GCNT2: variants seen among roughly 807,000 people sequenced by gnomAD.
GCNT2 encodes the protein glucosaminyl (N-acetyl) transferase 2 (I blood group), also known as N-acetyllactosaminide beta-1,6-N-acetylglucosaminyl-transferase.
GCNT2 carries 34 observed loss-of-function variants against 34.2 expected under a neutral mutation model. The ratio of observed to expected loss-of-function variants is 1.00; its 90% CI spans 0.76 to 1.32. The LOEUF is 1.32. Among genes scored for constraint, GCNT2 ranks in the 40% most tolerant of loss-of-function variants. The pLI is 0.00. For missense variants in GCNT2, 584 were observed against 489.4 expected, an observed-to-expected ratio of 1.19 and a Z score of -1.82; for synonymous variants, 212 against 188.0, an observed-to-expected ratio of 1.13 and a Z score of -1.04.
At chr6:10,540,341 G>A (rs1761982901) in intron 3 of GCNT2, among the ~76,000 whole-genome samples, 1 of 151,880 alleles carries the variant, frequency 6.6e-6, no homozygotes, top group African/African-American at 2.4e-5. Flanking sequence ...TGTTCATGCT[G>A]TCTTTTTGTT....
At position 10,621,334 on chromosome 6, in the gene GCNT2, C is replaced by T. The variant is rs1434426216; in HGVS notation, c.926-17C>T. 6.5e-7 allele frequency: 1 copy of T among 1,543,552 alleles called. No individual in the cohort carries two copies. Among genetic ancestry groups the T allele is most frequent in the Non-Finnish European group, 9.0e-7 (1 of 1,117,116 alleles). The stretch of plus-strand genomic sequence containing the variant: ...CATGACTCTCATCTCTACGCTTCTT[C>T]TTTATCAACATTGCAGGTGTTCCTG... On this transcript the variant is annotated splice_polypyrimidine_tract_variant and intron_variant, in intron 3 of 4. Coordinates refer to ENST00000495262, the MANE Select transcript of GCNT2 (RefSeq NM_145649.5).
In GCNT2 at chr6:10,534,139, C is replaced by CTTTTTTTTTTTTTTTTTT. The variant is rs1491129469; in HGVS notation, c.925+4304_925+4305insTTTTTTTTTTTTTTTTTT. Among the ~76,000 whole-genome samples, 1,149 of 123,098 alleles carry CTTTTTTTTTTTTTTTTTT rather than the reference C, an allele frequency of 9.3e-3. 220 individuals are homozygous for CTTTTTTTTTTTTTTTTTT. Among genetic ancestry groups the CTTTTTTTTTTTTTTTTTT allele is most frequent in the East Asian group, 0.025 (94 of 3,820 alleles). 80.8% of individuals were successfully genotyped at this position (123,098 alleles called of 152,430 possible). A position where few individuals can be genotyped will look rare whatever the true frequency, so the allele number is the denominator to read the frequency against. On this transcript the variant is annotated intron_variant, in intron 3 of 4. Coordinates refer to ENST00000495262, the MANE Select transcript of GCNT2 (RefSeq NM_145649.5). The stretch of plus-strand genomic sequence containing the variant: ...CTGGTATCTGCCAGATTCCATGCTG[C>CTTTTTTTTTTTTTTTTTT]TCTTTTTTTTTTTTTTTTTTAAGAT...
At chr6:10,623,361 G>C (rs531529730) in intron 4 of GCNT2, among the ~76,000 whole-genome samples, 1 of 150,204 alleles carries the variant, frequency 6.7e-6, no homozygotes, top group South Asian at 2.1e-4. Context: ...GCACAATCTC[G>C]GCTCACTGGA....
intron 1 of GCNT2, among the ~76,000 whole-genome samples, chr6:10,522,313 A>G (rs1415275474): frequency 2.0e-5 from 3 of 152,214 alleles, no homozygotes; most frequent in African/African-American, 7.2e-5. Flanking sequence ...GTAGATCCAT[A>G]TTGCCATTCT....
At chr6:10,569,932 T>TCTTC (rs1225019760) in intron 3 of GCNT2, among the ~76,000 whole-genome samples, 1 of 113,306 alleles carries the variant, frequency 8.8e-6, no homozygotes, top group South Asian at 3.3e-4. Flanking sequence ...TTTCTCTCTC[T>TCTTC]CTTCCTTCCT....
intron 2 of GCNT2, 54 bp downstream of exon 2, chr6:10,527,714 T>C (rs1316559780): frequency 1.3e-5 from 2 of 151,204 alleles, no homozygotes; most frequent in Non-Finnish European, 3.0e-5. Flanking sequence ...TACGTGTGTA[T>C]GCATGCGTGT....
At chr6:10,533,833 A>ACACTCTTTTTTTTTTTTTTTTTTT (rs1761626319) in intron 3 of GCNT2, among the ~76,000 whole-genome samples, 1 of 117,414 alleles carries the variant, frequency 8.5e-6, no homozygotes, top group Admixed American at 8.7e-5. Flanking sequence ...AAAAGAATGT[A>ACACTCTTTTTTTTTTTTTTTTTTT]TTTTATTTAA....
chr6:10,620,635 C>A (rs1241387514), intron 3 of GCNT2, among the ~76,000 whole-genome samples: 1 of 152,024 alleles, frequency 6.6e-6, no homozygotes, highest in Non-Finnish European at 1.5e-5. Context: ...CTTACCTCGG[C>A]CTCCTAAAGT....
chr6:10,556,357 C>G, intron 3 of GCNT2: 1 of 1,607,206 alleles, frequency 6.2e-7, no homozygotes, highest in Non-Finnish European at 8.5e-7. Context: ...CTCAGAGAAA[C>G]GAGTGAGTTT....
At chr6:10,581,947 C>T (rs1764084631) in intron 3 of GCNT2, 9 of 742,842 alleles carry the variant, frequency 1.2e-5, no homozygotes, top group Non-Finnish European at 6.5e-6. Context: ...TGTGAATATA[C>T]ATAATAAAAT....
chr6:10,550,390 C>G (rs934622980), intron 3 of GCNT2, among the ~76,000 whole-genome samples: 1 of 151,326 alleles, frequency 6.6e-6, no homozygotes, highest in East Asian at 1.9e-4. Context: ...GAGATAGGGT[C>G]ATTGAGAAAA....
chr6:10,560,292 G>A (rs959919298), intron 3 of GCNT2, among the ~76,000 whole-genome samples: 14 of 140,432 alleles, frequency 1.0e-4, no homozygotes, highest in Non-Finnish European at 2.2e-4. Context: ...GTTTCACCAT[G>A]TTGCCCAGGG....
At position 10,529,906 on chromosome 6, in the gene GCNT2, GA is replaced by G. The variant is rs1334592631; in HGVS notation, c.925+74del. 9.9e-6 allele frequency: 12 copies of G among 1,206,846 alleles called. No homozygotes were observed. In the Admixed American group the frequency reaches 1.5e-4, roughly 15 times the overall value. The allele number at this position is 1,206,846 out of a possible 1,614,324, so 74.8% of individuals were successfully genotyped here. A position where few individuals can be genotyped will look rare whatever the true frequency, so the allele number is the denominator to read the frequency against. ...TGGTCAATACTAAATAAGTTGCTTT[GA>G]AAAGAGTGGAAAAAATGGGACAAAC... On this transcript the variant is annotated intron_variant, in intron 3 of 4. Transcript: ENST00000495262.
intron 3 of GCNT2, chr6:10,557,008 G>A: frequency 6.2e-7 from 1 of 1,613,602 alleles, no homozygotes; most frequent in Non-Finnish European, 8.5e-7. Flanking sequence ...ACTTCCCCCT[G>A]AAAACCAACA....
At chr6:10,621,305 C>G (rs1011087241) in intron 3 of GCNT2, 46 bp from the exon 4 acceptor site, 2 of 1,211,470 alleles carry the variant, frequency 1.7e-6, no homozygotes, top group Non-Finnish European at 2.4e-6. Flanking sequence ...TGATGCCCTT[C>G]TCTCATGACT....
chr6:10,537,075 C>T (rs1344022439), intron 3 of GCNT2, among the ~76,000 whole-genome samples: 2 of 152,102 alleles, frequency 1.3e-5, no homozygotes, highest in Non-Finnish European at 2.9e-5. Flanking sequence ...CCTGTGAGTT[C>T]TTCTCAGGGA....
chr6:10,569,867 T>TTC (rs1561807404), intron 3 of GCNT2, among the ~76,000 whole-genome samples: 42 of 151,040 alleles, frequency 2.8e-4, no homozygotes, highest in Middle Eastern at 3.4e-3. Flanking sequence ...TTCTCTTTCT[T>TTC]TCTTTCTTTC....
intron 3 of GCNT2, among the ~76,000 whole-genome samples, chr6:10,618,815 A>C (rs566376970): frequency 6.6e-6 from 1 of 151,890 alleles, no homozygotes; most frequent in East Asian, 1.9e-4. Flanking sequence ...AGAAATAGAA[A>C]TATTGCTTAA....
intron 3 of GCNT2, among the ~76,000 whole-genome samples, chr6:10,572,719 G>C (rs1763607734): frequency 6.6e-6 from 1 of 152,074 alleles, no homozygotes; most frequent in African/African-American, 2.4e-5. Context: ...GGATGACAGA[G>C]CGAGACTCCG....
Sources: gnomAD v4.1 joint callset for allele counts (sites outside exome capture counted in the v4.1 genomes callset) on GRCh38, gnomAD v4.1.1 for gene constraint, MANE v1.5 for transcripts, NCBI Gene and HGNC (gene_info 2026-07-23, HGNC 2026-07-21) for gene names.